Variants in PAK3 observed in about 807,000 individuals in gnomAD.
PAK3 encodes serine/threonine-protein kinase PAK 3.
A neutral mutation model predicts 41.0 loss-of-function variants in PAK3; 4 were observed. The observed-to-expected ratio is 0.10, with a 90% CI of 0.05 to 0.22. PAK3 has a LOEUF of 0.22. PAK3 is among the 10% of genes least tolerant of loss of function. The pLI, the probability that PAK3 is intolerant of heterozygous loss-of-function variation, is 1.00. For missense variants in PAK3, 205 were observed against 409.9 expected, an observed-to-expected ratio of 0.50 and a Z score of 4.32; for synonymous variants, 146 against 139.6, an observed-to-expected ratio of 1.05 and a Z score of -0.32.
chrX:111,099,929 A>C (rs2093093504), intron 3 of PAK3, among the ~76,000 whole-genome samples: 1 of 108,745 alleles, frequency 9.2e-6, no homozygotes, highest in East Asian at 3.0e-4. Context: ...TGTCAGAAAA[A>C]TTACCCCTTC....
chrX:111,166,347 A>C (rs1469882241), intron 10 of PAK3, among the ~76,000 whole-genome samples: 2 of 111,804 alleles, frequency 1.8e-5, no homozygotes, highest in Non-Finnish European at 1.9e-5. Flanking sequence ...TCTGTTACCC[A>C]GGCTGGAGTA....
At chrX:111,028,133 A>G (rs1193162579) in intron 1 of PAK3, among the ~76,000 whole-genome samples, 1 of 107,764 alleles carries the variant, frequency 9.3e-6, no homozygotes, top group African/African-American at 3.4e-5. Flanking sequence ...TATTATTCTA[A>G]GTGAAGTAAC....
At chrX:111,020,005 T>C (rs1037262063) in intron 1 of PAK3, among the ~76,000 whole-genome samples, 1 of 111,965 alleles carries the variant, frequency 8.9e-6, no homozygotes, top group Non-Finnish European at 1.9e-5. Flanking sequence ...GAAAATGGTA[T>C]GATAATTCCT....
chrX:110,958,094 C>T (rs748353306), intron 1 of PAK3, among the ~76,000 whole-genome samples: 1 of 111,658 alleles, frequency 9.0e-6, no homozygotes, highest in African/African-American at 3.3e-5. Flanking sequence ...AGGCCTGAAA[C>T]GTGAATAAAT....
intron 1 of PAK3, among the ~76,000 whole-genome samples, chrX:110,974,632 C>A (rs1430810716): frequency 9.0e-6 from 1 of 111,583 alleles, no homozygotes; most frequent in Non-Finnish European, 1.9e-5. Context: ...CATCCTGATA[C>A]CAAAGCCTGG....
chrX:110,998,369 T>A (rs1055488961), intron 1 of PAK3, among the ~76,000 whole-genome samples: 3 of 111,075 alleles, frequency 2.7e-5, no homozygotes, highest in African/African-American at 9.8e-5. Flanking sequence ...GAAGAGAGAG[T>A]GGTCACTTAT....
intron 4 of PAK3, among the ~76,000 whole-genome samples, chrX:111,111,208 A>G (rs758778361): frequency 4.4e-5 from 5 of 112,510 alleles, no homozygotes; most frequent in African/African-American, 1.6e-4. Flanking sequence ...CTGTCTTAAT[A>G]TTGCTATCTC....
chrX:111,147,932 CA>C, intron 7 of PAK3, 42 bp downstream of exon 7: 2 of 1,088,718 alleles, frequency 1.8e-6, no homozygotes, highest in South Asian at 3.7e-5. Context: ...AAAGTAATTT[CA>C]ATTTCAGAGT....
intron 1 of PAK3, among the ~76,000 whole-genome samples, chrX:110,976,311 A>G (rs763763204): frequency 7.1e-5 from 8 of 112,460 alleles, no homozygotes; most frequent in South Asian, 3.7e-4. Context: ...GTGTGAACAG[A>G]CACTTCTCTA....
rs148148109 is a variant in PAK3 at position 111,199,152 on chromosome X, A to G, written c.1407+2512A>G. On this transcript the variant is annotated intron_variant, in intron 16 of 17. Transcript: ENST00000372007. ...GACATCGTTGGTGTATAGAAATGCT[A>G]CTAAGTTTTTTAGCATTGATTTTGT... Among the ~76,000 whole-genome samples the G allele has an allele frequency of 5.0e-3, 558 of 111,491 alleles. 4 individuals are homozygous for G. The highest frequency in any genetic ancestry group is 5.7e-3 in the Non-Finnish European group (301 of 53,018).
At chrX:111,028,328 T>TCGGA (rs1341717432) in intron 1 of PAK3, among the ~76,000 whole-genome samples, 60 of 109,255 alleles carry the variant, frequency 5.5e-4, no homozygotes, top group Non-Finnish European at 7.8e-4. Context: ...CACAAAAATA[T>TCGGA]CGGAAATCAC....
chrX:110,951,451 A>T (rs2090743004), intron 1 of PAK3, among the ~76,000 whole-genome samples: 1 of 112,062 alleles, frequency 8.9e-6, no homozygotes, highest in South Asian at 3.7e-4. Flanking sequence ...CTAGGATTAG[A>T]TTTGTTCAGT....
rs550549435 is a variant in PAK3 at position 110,970,539 on chromosome X, T to C, written c.-28+25911T>C. On this transcript the variant is annotated intron_variant, in intron 1 of 14. Coordinates refer to the PAK3 transcript ENST00000425146. ...GCATGTTCTCACTCATAAGTGGGAG[T>C]TGAACAATAAGAACACATGGACATC... 2.0e-4 allele frequency among the ~76,000 whole-genome samples: 22 copies of C among 110,274 alleles called. No individual in the cohort carries two copies. In the South Asian group the frequency reaches 8.2e-3, roughly 41 times the overall value.
At chrX:111,028,337 A>ATGGGT (rs1229329932) in intron 1 of PAK3, among the ~76,000 whole-genome samples, 8 of 109,778 alleles carry the variant, frequency 7.3e-5, no homozygotes, top group African/African-American at 2.0e-4. Flanking sequence ...ATCGGAAATC[A>ATGGGT]CCACTAAAGA....
At chrX:110,984,856 C>G (rs1013429011) in intron 1 of PAK3, among the ~76,000 whole-genome samples, 2 of 110,126 alleles carry the variant, frequency 1.8e-5, no homozygotes, top group African/African-American at 6.6e-5. Context: ...AGGCTGGGTA[C>G]AGGGGTTCAA....
At chrX:110,992,114 G>C (rs1269406678) in intron 1 of PAK3, among the ~76,000 whole-genome samples, 1 of 111,024 alleles carries the variant, frequency 9.0e-6, no homozygotes, top group African/African-American at 3.3e-5. Context: ...GGTCAGGGTA[G>C]GCCTCACCAA....
At chrX:111,062,770 G>T in intron 1 of PAK3, among the ~76,000 whole-genome samples, 1 of 110,984 alleles carries the variant, frequency 9.0e-6, no homozygotes, top group East Asian at 2.8e-4. Flanking sequence ...AACAGAAGAG[G>T]ATAAAGAACT....
chrX:111,182,065 G>A (rs1163350683), intron 11 of PAK3, among the ~76,000 whole-genome samples: 2 of 111,601 alleles, frequency 1.8e-5, no homozygotes, highest in Non-Finnish European at 3.8e-5. Flanking sequence ...GAAAGATGAT[G>A]CCACTCAATC....
intron 1 of PAK3, among the ~76,000 whole-genome samples, chrX:111,050,141 A>G (rs148338162): frequency 3.0e-3 from 339 of 111,243 alleles, no homozygotes; most frequent in South Asian, 6.6e-3. Flanking sequence ...AATAATTTCC[A>G]TTTTCCCCAG....
Sources: gnomAD v4.1 joint callset for allele counts (sites outside exome capture counted in the v4.1 genomes callset) on GRCh38, gnomAD v4.1.1 for gene constraint, MANE v1.5 for transcripts, NCBI Gene and HGNC (gene_info 2026-07-23, HGNC 2026-07-21) for gene names.